Variants in AUTS2 observed in about 807,000 individuals in gnomAD.
AUTS2 encodes autism susceptibility gene 2 protein.
A neutral mutation model predicts 112.4 loss-of-function variants in AUTS2; 17 were observed. The observed-to-expected ratio is 0.15, with a 90% CI of 0.10 to 0.23. The LOEUF is 0.23. Among genes scored for constraint, AUTS2 ranks in the 10% least tolerant of loss-of-function variants. The probability of loss-of-function intolerance (pLI) is 1.00; values close to 1 mark genes in which losing one functional copy is unlikely to be tolerated. For missense variants in AUTS2, 1,510 were observed against 1,701.6 expected (o/e 0.89, Z 1.98); for synonymous variants, 751 against 702.7 (o/e 1.07, Z -1.09).
rs67123941 is a variant in AUTS2, at chr7:70,621,838, C to CTTTTTTTTTTTTT, written c.691-76716_691-76704dup. Among the ~76,000 whole-genome samples the CTTTTTTTTTTTTT allele has an allele frequency of 7.5e-5, 5 of 66,786 alleles. 1 individual carries two copies. The highest frequency in any genetic ancestry group is 7.8e-5 in the Non-Finnish European group (3 of 38,382). 43.8% of individuals were successfully genotyped at this position (66,786 alleles called of 152,430 possible). A position where few individuals can be genotyped will look rare whatever the true frequency, so the allele number is the denominator to read the frequency against. On this transcript the variant is annotated intron_variant, in intron 5 of 18. Coordinates refer to ENST00000342771, the MANE Select transcript of AUTS2 (RefSeq NM_015570.4). Reference sequence around the variant, plus strand: ...GCTTACGTTAGTGCATAGTCATTCTCTTTTTTTTTTTTTTTTTTTTTTTTT... The same window carrying CTTTTTTTTTTTTT: ...GCTTACGTTAGTGCATAGTCATTCTCTTTTTTTTTTTTTTTTTTTTTTTTTTTTTTTTTTTTTT...
intron 1 of AUTS2, among the ~76,000 whole-genome samples, chr7:69,833,092 A>G (rs1254723968): frequency 1.3e-5 from 2 of 152,184 alleles, no homozygotes; most frequent in African/African-American, 2.4e-5. Flanking sequence ...AACAGAATCA[A>G]CTAGAGGGCT....
chr7:69,803,660 C>T (rs541139331), intron 1 of AUTS2, among the ~76,000 whole-genome samples: 1 of 152,328 alleles, frequency 6.6e-6, no homozygotes, highest in African/African-American at 2.4e-5. Context: ...ACTGTTCCCA[C>T]CTGTTCCCGG....
At chr7:70,657,806 G>A (rs1248596661) in intron 5 of AUTS2, among the ~76,000 whole-genome samples, 4 of 152,124 alleles carry the variant, frequency 2.6e-5, no homozygotes, top group East Asian at 1.9e-4. Flanking sequence ...ACTTGACCAC[G>A]TGTGAACAAG....
At chr7:70,302,191 G>A (rs959346192) in intron 4 of AUTS2, among the ~76,000 whole-genome samples, 2 of 152,040 alleles carry the variant, frequency 1.3e-5, no homozygotes, top group Admixed American at 6.5e-5. Context: ...TGGGAGGATC[G>A]CTTGAGCTGA....
At chr7:70,434,010 C>T (rs1447315755) in intron 4 of AUTS2, among the ~76,000 whole-genome samples, 4 of 152,154 alleles carry the variant, frequency 2.6e-5, no homozygotes, top group Non-Finnish European at 5.9e-5. Context: ...CATTTTTTCC[C>T]TTGGTCCCAC....
At chr7:70,147,520 A>ATGGAATCAGAAAT (rs762802546) in intron 4 of AUTS2, among the ~76,000 whole-genome samples, 1 of 152,088 alleles carries the variant, frequency 6.6e-6, no homozygotes, top group Non-Finnish European at 1.5e-5. Flanking sequence ...AATAGTTTCC[A>ATGGAATCAGAAAT]TGGAATCAGA....
chr7:70,184,997 T>C (rs1196947348), intron 4 of AUTS2, among the ~76,000 whole-genome samples: 1 of 152,222 alleles, frequency 6.6e-6, no homozygotes, highest in Non-Finnish European at 1.5e-5. Context: ...TTTGAAATAC[T>C]GTTTGATACT....
Position 70,472,769 on chromosome 7 carries a change from G to C in AUTS2, c.690+36988G>C, listed in dbSNP as rs558311594. Among the ~76,000 whole-genome samples the C allele has an allele frequency of 2.6e-4, 40 of 152,292 alleles. 1 individual carries two copies. Among genetic ancestry groups the C allele is most frequent in the African/African-American group, 9.4e-4 (39 of 41,548 alleles). ...AGTTTCTGAGATCTGGCCAGCTCCTGTTCTTACCACTCTGTCATCTCTGAT... is the reference window on the plus strand; with the variant it reads ...AGTTTCTGAGATCTGGCCAGCTCCTCTTCTTACCACTCTGTCATCTCTGAT... On this transcript the variant is annotated intron_variant, in intron 5 of 18. Coordinates refer to ENST00000342771, the MANE Select transcript of AUTS2 (RefSeq NM_015570.4).
intron 1 of AUTS2, among the ~76,000 whole-genome samples, chr7:69,675,575 C>T (rs1332597850): frequency 7.3e-6 from 1 of 136,402 alleles, no homozygotes; most frequent in Non-Finnish European, 1.5e-5. Context: ...GTGGTGTGGT[C>T]TCATCTCTGC....
intron 6 of AUTS2, among the ~76,000 whole-genome samples, chr7:70,760,279 A>C (rs144294611): frequency 0.024 from 3,616 of 152,360 alleles, 71 homozygotes; most frequent in Non-Finnish European, 0.036. Context: ...TGCTGGGATT[A>C]CAGGCGTGAG....
chr7:70,367,589 T>C (rs2129629322), intron 4 of AUTS2, among the ~76,000 whole-genome samples: 1 of 151,444 alleles, frequency 6.6e-6, no homozygotes, highest in South Asian at 2.1e-4. Context: ...ATAATAATAA[T>C]AATAATACTG....
intron 5 of AUTS2, among the ~76,000 whole-genome samples, chr7:70,695,833 G>C (rs905510716): frequency 5.9e-5 from 9 of 152,128 alleles, no homozygotes; most frequent in African/African-American, 2.2e-4. Flanking sequence ...CCAAAAGAGA[G>C]CTTTGGTTTT....
At chr7:70,681,370 C>T (rs1808198378) in intron 5 of AUTS2, among the ~76,000 whole-genome samples, 1 of 152,156 alleles carries the variant, frequency 6.6e-6, no homozygotes, top group African/African-American at 2.4e-5. Flanking sequence ...CCCCCACCCG[C>T]TGTCACTTGG....
intron 4 of AUTS2, among the ~76,000 whole-genome samples, chr7:70,255,400 T>C (rs1351176798): frequency 6.6e-6 from 1 of 152,142 alleles, no homozygotes; most frequent in African/African-American, 2.4e-5. Flanking sequence ...AGGTGGTCTT[T>C]AAAAGGCAAA....
intron 5 of AUTS2, among the ~76,000 whole-genome samples, chr7:70,512,696 T>G (rs1799245298): frequency 6.6e-6 from 1 of 152,180 alleles, no homozygotes; most frequent in Non-Finnish European, 1.5e-5. Flanking sequence ...AAATTGGAAT[T>G]CTTTTTAATT....
intron 1 of AUTS2, among the ~76,000 whole-genome samples, chr7:69,750,716 A>T (rs1337940878): frequency 6.6e-6 from 1 of 152,066 alleles, no homozygotes; most frequent in African/African-American, 2.4e-5. Context: ...GTTTATAGGC[A>T]TGAGCCACCA....
chr7:69,645,871 C>T (rs531743589), intron 1 of AUTS2, among the ~76,000 whole-genome samples: 120 of 152,022 alleles, frequency 7.9e-4, no homozygotes, highest in Non-Finnish European at 1.4e-3. Flanking sequence ...TAAATACCAA[C>T]GAGCGTTAAT....
chr7:70,447,255 C>A (rs2131007950), intron 5 of AUTS2, among the ~76,000 whole-genome samples: 1 of 152,276 alleles, frequency 6.6e-6, no homozygotes, highest in African/African-American at 2.4e-5. Flanking sequence ...AGTCCTCACA[C>A]CAACCCAATG....
At chr7:69,856,559 G>A (rs1360612796) in intron 1 of AUTS2, among the ~76,000 whole-genome samples, 4 of 152,026 alleles carry the variant, frequency 2.6e-5, no homozygotes, top group Admixed American at 1.3e-4. Flanking sequence ...TTGATTGGCC[G>A]TCACCTTCTA....
Sources: gnomAD v4.1 joint callset for allele counts (sites outside exome capture counted in the v4.1 genomes callset) on GRCh38, gnomAD v4.1.1 for gene constraint, MANE v1.5 for transcripts, NCBI Gene and HGNC (gene_info 2026-07-23, HGNC 2026-07-21) for gene names.